The following RNF4 variants were observed in gnomAD, a reference collection of about 807,000 sequenced individuals.
RNF4 encodes ring finger protein 4.
Under a neutral mutation model 24.3 loss-of-function variants are expected in RNF4, and 7 were observed. The observed-to-expected ratio is 0.29, with a 90% CI of 0.16 to 0.54. RNF4 has a LOEUF of 0.54. RNF4 is among the 20% of genes least tolerant of loss of function. RNF4 has a pLI of 0.95. For synonymous variants in RNF4, 83 were observed against 84.3 expected (o/e 0.98, Z 0.09); for missense variants, 209 against 248.5 (o/e 0.84, Z 1.07).
chr4:2,498,972 A>G (rs1045246547), intron 3 of RNF4, among the ~76,000 whole-genome samples: 3 of 152,166 alleles, frequency 2.0e-5, no homozygotes, highest in Admixed American at 6.5e-5. Flanking sequence ...CGAGGCGTGC[A>G]GATCACCTGA....
chr4:2,494,198 A>T (rs1312352955), intron 2 of RNF4, among the ~76,000 whole-genome samples: 2 of 152,094 alleles, frequency 1.3e-5, no homozygotes, highest in African/African-American at 4.8e-5. Flanking sequence ...GGCCATATTT[A>T]TACTTTCTGC....
At chr4:2,482,542 T>A (rs1209873743) in intron 1 of RNF4, among the ~76,000 whole-genome samples, 4 of 152,208 alleles carry the variant, frequency 2.6e-5, no homozygotes, top group African/African-American at 9.7e-5. Context: ...GAAATTACCT[T>A]GTTTTTATAT....
Position 2,497,177 on chromosome 4 carries a change from G to C in RNF4, c.124+56G>C, listed in dbSNP as rs989236929. On this transcript the variant is annotated intron_variant, in intron 3 of 7. Coordinates refer to ENST00000314289, the MANE Select transcript of RNF4 (RefSeq NM_002938.5). The stretch of plus-strand genomic sequence containing the variant: ...GGTGTTAAAGTGGAGAGAGAACACT[G>C]TACCAGGGTGAGCTAGTAGAAGGTG... 155 of 1,337,238 alleles carry C rather than the reference G, an allele frequency of 1.2e-4. 1 individual carries two copies. In the South Asian group the frequency reaches 1.9e-3, roughly 16 times the overall value. 82.8% of individuals were successfully genotyped at this position (1,337,238 alleles called of 1,614,324 possible). A position where few individuals can be genotyped will look rare whatever the true frequency, so the allele number is the denominator to read the frequency against.
chr4:2,486,578 G>T (rs1204094098), intron 1 of RNF4, among the ~76,000 whole-genome samples: 2 of 152,208 alleles, frequency 1.3e-5, no homozygotes, highest in Non-Finnish European at 2.9e-5. Context: ...TGGAGAATGA[G>T]GGGGCTCCAG....
At chr4:2,469,410 G>A (rs704348) in intron 1 of RNF4, 152 bp downstream of exon 1, 120,748 of 152,050 alleles carry the variant, frequency 0.79, 48,289 homozygotes, top group South Asian at 0.89. Flanking sequence ...CGCTCGCACT[G>A]CCGTCCGCGC....
chr4:2,477,926 G>A (rs1442290361), intron 1 of RNF4, among the ~76,000 whole-genome samples: 8 of 152,196 alleles, frequency 5.3e-5, no homozygotes, highest in African/African-American at 1.9e-4. Context: ...CTCAGAAGAA[G>A]ACAGGAAAAT....
chr4:2,490,477 A>G lies in RNF4; in HGVS notation c.-17A>G, dbSNP rs942725865. On this transcript the variant is annotated 5_prime_UTR_variant, in exon 2 of 8. Transcript: ENST00000314289. ...CACTTCCTTTTCTGTAGGAAAGGAA[A>G]GGCACCAAAGAGCACAATGAGTACA... 1.2e-6 allele frequency: 2 copies of G among 1,612,054 alleles called. No individual in the cohort carries two copies. Among genetic ancestry groups the G allele is most frequent in the African/African-American group, 1.3e-5 (1 of 74,922 alleles).
intron 3 of RNF4, among the ~76,000 whole-genome samples, chr4:2,498,031 A>G (rs1735791766): frequency 6.6e-6 from 1 of 152,194 alleles, no homozygotes; most frequent in Non-Finnish European, 1.5e-5. Flanking sequence ...TCTGAGTTTC[A>G]CTTCTACAAA....
chr4:2,488,605 G>A (rs1318277759), intron 1 of RNF4, among the ~76,000 whole-genome samples: 4 of 152,188 alleles, frequency 2.6e-5, no homozygotes, highest in Non-Finnish European at 5.9e-5. Flanking sequence ...GTGGTGATGG[G>A]TATGTGTCAG....
chr4:2,502,249 C>T (rs1176222494), intron 4 of RNF4, among the ~76,000 whole-genome samples: 3 of 152,212 alleles, frequency 2.0e-5, no homozygotes, highest in African/African-American at 4.8e-5. Context: ...GTGTTCACCA[C>T]AGTCTTCTTG....
intron 1 of RNF4, among the ~76,000 whole-genome samples, chr4:2,477,558 T>C (rs568877377): frequency 5.9e-5 from 9 of 152,060 alleles, no homozygotes; most frequent in Non-Finnish European, 1.3e-4. Flanking sequence ...GCACTCCAGC[T>C]TGGACAACAG....
Position 2,513,768 on chromosome 4 carries a change from A to T in RNF4, c.522A>T (p.Pro174=). The T allele has an allele frequency of 6.2e-7, 1 of 1,613,990 alleles. No individual in the cohort carries two copies. Among genetic ancestry groups the T allele is most frequent in the Non-Finnish European group, 8.5e-7 (1 of 1,179,888 alleles). ...CCCTGAAGAATGCTAATACTTGCCC[A>T]ACTTGTAGGAAAAAGATCAACCACA... ...RDSLKNANTC[P]TCRKKINHKR... Residue 174 remains proline (P), a synonymous_variant, in exon 8 of 8, where the codon CCA becomes CCT. Coordinates refer to ENST00000314289, the MANE Select transcript of RNF4 (RefSeq NM_002938.5).
intron 1 of RNF4, among the ~76,000 whole-genome samples, chr4:2,476,720 T>A (rs1421309682): frequency 6.7e-6 from 1 of 150,354 alleles, no homozygotes; most frequent in Non-Finnish European, 1.5e-5. Flanking sequence ...TTTTTTTTTT[T>A]AATTTAAGAG....
chr4:2,473,154 G>C (rs1734958854), intron 1 of RNF4, among the ~76,000 whole-genome samples: 1 of 152,106 alleles, frequency 6.6e-6, no homozygotes, highest in African/African-American at 2.4e-5. Context: ...GGCTGGGGCA[G>C]GCAGATCACC....
intron 4 of RNF4, among the ~76,000 whole-genome samples, chr4:2,509,838 A>G (rs1433405357): frequency 6.6e-6 from 1 of 152,182 alleles, no homozygotes; most frequent in East Asian, 1.9e-4. Flanking sequence ...TTAGTGGGTC[A>G]TCTTGGCAGA....
In RNF4 at chr4:2,476,269, T is replaced by C. The variant is rs189903619; in HGVS notation, c.-158+7011T>C. ...CCTGCACTAAAATTTGCTTCCCTTG[T>C]AAGTACCTTCTTGATGTCTTCCAGT... On this transcript the variant is annotated intron_variant, in intron 1 of 7. Coordinates refer to ENST00000314289, the MANE Select transcript of RNF4 (RefSeq NM_002938.5). Among the ~76,000 whole-genome samples the C allele has an allele frequency of 1.6e-3, 250 of 152,326 alleles. 1 individual carries two copies. Among genetic ancestry groups the C allele is most frequent in the Admixed American group, 5.5e-3 (84 of 15,300 alleles).
intron 4 of RNF4, among the ~76,000 whole-genome samples, chr4:2,502,834 ACT>A (rs1735955391): frequency 7.9e-6 from 1 of 126,236 alleles, no homozygotes; most frequent in East Asian, 2.3e-4. Context: ...ACAGAGCAAG[ACT>A]CTGTCTCAAA....
chr4:2,472,301 A>G (rs1734931094), intron 1 of RNF4, among the ~76,000 whole-genome samples: 1 of 152,234 alleles, frequency 6.6e-6, no homozygotes, highest in South Asian at 2.1e-4. Context: ...TGAGATCTAC[A>G]GCTCAGAAAA....
chr4:2,499,190 C>CT (rs1296416907), intron 3 of RNF4: 2 of 378,412 alleles, frequency 5.3e-6, no homozygotes, highest in African/African-American at 4.4e-5. Context: ...GAGCGAGACT[C>CT]TGTCTCAAAA....
Sources: allele counts gnomAD v4.1 joint callset (sites outside exome capture counted in the v4.1 genomes callset), GRCh38; gene constraint gnomAD v4.1.1; transcripts MANE v1.5; gene names NCBI Gene and HGNC (gene_info 2026-07-23, HGNC 2026-07-21).